KANK1: variants seen among roughly 807,000 people sequenced by gnomAD.
KANK1 encodes KN motif and ankyrin repeat domain-containing protein 1.
A neutral mutation model predicts 106.2 loss-of-function variants in KANK1; 109 were observed. The ratio of observed to expected loss-of-function variants is 1.03; its 90% CI spans 0.88 to 1.20. The LOEUF (loss-of-function observed/expected upper bound fraction) is 1.20. Among genes scored for constraint, KANK1 ranks in the 50% most tolerant of loss-of-function variants. The pLI, the probability that KANK1 is intolerant of heterozygous loss-of-function variation, is 0.00. For missense variants in KANK1, 2,399 were observed against 1,710.7 expected (o/e 1.40, Z -7.10); for synonymous variants, 873 against 652.2 (o/e 1.34, Z -5.16).
At chr9:543,007 T>C (rs10815183) in intron 1 of KANK1, among the ~76,000 whole-genome samples, 73,522 of 151,976 alleles carry the variant, frequency 0.48, 20,726 homozygotes, top group East Asian at 0.79. Flanking sequence ...ACTTGGAAAT[T>C]ACTAAGAGAT....
intron 8 of KANK1, among the ~76,000 whole-genome samples, chr9:740,125 G>C (rs1199282629): frequency 6.6e-6 from 1 of 152,096 alleles, no homozygotes; most frequent in Non-Finnish European, 1.5e-5. Flanking sequence ...AGAAAGTGCC[G>C]AAGGAACTTT....
chr9:552,708 T>C (rs2061353561), intron 1 of KANK1, among the ~76,000 whole-genome samples: 4 of 152,212 alleles, frequency 2.6e-5, no homozygotes, highest in Admixed American at 2.6e-4. Flanking sequence ...TTGGCCTTTT[T>C]CCCTGTGACA....
chr9:544,020 TTTA>T (rs914431085), intron 1 of KANK1, among the ~76,000 whole-genome samples: 48 of 152,002 alleles, frequency 3.2e-4, no homozygotes, highest in African/African-American at 1.2e-3. Flanking sequence ...TTTATTTTAT[TTTA>T]TTATTTTATT....
chr9:671,905 G>A (rs1588772732), intron 1 of KANK1, among the ~76,000 whole-genome samples: 2 of 151,910 alleles, frequency 1.3e-5, no homozygotes, highest in Admixed American at 6.6e-5. Context: ...CTGAGATCGC[G>A]CCACTGCACT....
At chr9:713,535 AT>A (rs1055808471) in intron 3 of KANK1, 71 bp downstream of exon 3, 2 of 1,477,442 alleles carry the variant, frequency 1.4e-6, no homozygotes. Context: ...GCTAAGGATT[AT>A]TTTTTAACTG....
chr9:499,994 T>C (rs2058522845), upstream of KANK1, among the ~76,000 whole-genome samples: 1 of 152,238 alleles, frequency 6.6e-6, no homozygotes, highest in Non-Finnish European at 1.5e-5. Context: ...CCTCAGACTC[T>C]TCCCCTCCTT....
Position 684,528 on chromosome 9 carries a change from G to A in KANK1, c.37+7519G>A, listed in dbSNP as rs1818172645. 8 of 985,282 alleles carry A rather than the reference G, an allele frequency of 8.1e-6. No homozygotes were observed. The South Asian group carries it at 3.3e-4, about 41-fold the overall frequency. 61.0% of individuals were successfully genotyped at this position (985,282 alleles called of 1,614,324 possible). A position where few individuals can be genotyped will look rare whatever the true frequency, so the allele number is the denominator to read the frequency against. On this transcript the variant is annotated intron_variant, in intron 2 of 11. Transcript: ENST00000382297. ...AGGGTTAAAACAGCCCTTCCTACAAGGATTTGAAAACTCTGTGCTCTGCTC... is the reference window on the plus strand; with the variant it reads ...AGGGTTAAAACAGCCCTTCCTACAAAGATTTGAAAACTCTGTGCTCTGCTC...
chr9:633,299 A>C (rs1055920856), intron 1 of KANK1, among the ~76,000 whole-genome samples: 1 of 151,932 alleles, frequency 6.6e-6, no homozygotes, highest in Non-Finnish European at 1.5e-5. Flanking sequence ...TACTAAAAAT[A>C]CAAAAAAAAT....
rs561986243 is a variant in KANK1 at position 707,096 on chromosome 9, G to A, written c.38-3708G>A. 1.2e-5 allele frequency: 12 copies of A among 985,478 alleles called. No individual in the cohort carries two copies. In the East Asian group the frequency reaches 1.2e-3, roughly 102 times the overall value. The allele number at this position is 985,478 out of a possible 1,614,324, so 61.0% of individuals were successfully genotyped here. On this transcript the variant is annotated intron_variant, in intron 2 of 11. Coordinates refer to ENST00000382297, the MANE Select transcript of KANK1 (RefSeq NM_015158.5). ...CCTCGCCGGTGAAAGCTCAGCCTAT[G>A]GCATCCGAGCGTGGCCGGCCAAGTT...
At chr9:727,167 G>T (rs1460446691) in intron 3 of KANK1, among the ~76,000 whole-genome samples, 2 of 152,036 alleles carry the variant, frequency 1.3e-5, no homozygotes, top group African/African-American at 4.8e-5. Flanking sequence ...TCTTTTTACT[G>T]TTTTAAACAT....
At chr9:500,273 A>G (rs2132452668), upstream of KANK1, among the ~76,000 whole-genome samples, 1 of 152,358 alleles carries the variant, frequency 6.6e-6, no homozygotes, top group South Asian at 2.1e-4. Context: ...AATTAACAAG[A>G]ATAATAAACA....
intron 3 of KANK1, chr9:478,228 G>A (rs1015404386): frequency 6.5e-6 from 1 of 154,526 alleles, no homozygotes; most frequent in African/African-American, 2.4e-5. Context: ...AGAACTCTCT[G>A]GGACCCGTAA....
intron 1 of KANK1, 117 bp from the exon 2 acceptor site, chr9:676,773 C>G (rs1816497014): frequency 5.8e-6 from 3 of 514,794 alleles, no homozygotes; most frequent in Non-Finnish European, 3.5e-6. Context: ...TAGTCTTTCT[C>G]CCCCCATTCC....
chr9:683,820 A>G (rs1238304657), intron 2 of KANK1, among the ~76,000 whole-genome samples: 1 of 152,192 alleles, frequency 6.6e-6, no homozygotes, highest in African/African-American at 2.4e-5. Flanking sequence ...TAATAATTGC[A>G]TTTAATTAGA....
chr9:667,734 G>GT (rs556839095), intron 1 of KANK1, among the ~76,000 whole-genome samples: 11,290 of 67,296 alleles, frequency 0.17, 635 homozygotes, highest in Admixed American at 0.28. Flanking sequence ...ATTTCCAAAG[G>GT]TTTTTTTGTT....
At chr9:735,812 G>T in intron 7 of KANK1, 1 of 375,636 alleles carries the variant, frequency 2.7e-6, no homozygotes, top group Non-Finnish European at 5.7e-6. Context: ...TAGCCAACAT[G>T]GTGAAACCCT....
chr9:673,819 G>A (rs1815794001), intron 1 of KANK1: 1 of 151,966 alleles, frequency 6.6e-6, no homozygotes, highest in Non-Finnish European at 1.5e-5. Context: ...TTACATGGTG[G>A]TATTTACAAG....
chr9:550,480 C>G (rs971802697), intron 1 of KANK1, among the ~76,000 whole-genome samples: 12 of 152,146 alleles, frequency 7.9e-5, no homozygotes, highest in African/African-American at 1.7e-4. Flanking sequence ...TGGCGTGGCT[C>G]ACAGCTATAA....
intron 3 of KANK1, among the ~76,000 whole-genome samples, chr9:722,751 T>A (rs1448688340): frequency 1.3e-5 from 2 of 152,204 alleles, no homozygotes; most frequent in African/African-American, 4.8e-5. Context: ...CCTTACCAGT[T>A]AAGCCTCAGT....
Sources: allele counts gnomAD v4.1 joint callset (sites outside exome capture counted in the v4.1 genomes callset), GRCh38; gene constraint gnomAD v4.1.1; transcripts MANE v1.5; gene names NCBI Gene and HGNC (gene_info 2026-07-23, HGNC 2026-07-21).